SOBP: variants seen among roughly 807,000 people sequenced by gnomAD.
SOBP encodes the protein sine oculis-binding protein homolog.
Under a neutral mutation model 53.6 loss-of-function variants are expected in SOBP, and 4 were observed. That is an observed-to-expected ratio of 0.07 (90% confidence interval 0.04 to 0.17). SOBP has a LOEUF of 0.17. Ranked by LOEUF, SOBP falls within the 10% of genes least tolerant of loss-of-function variation. The pLI is 1.00. For missense variants in SOBP, 1,088 were observed against 1,204.7 expected (o/e 0.90, Z 1.43); for synonymous variants, 584 against 522.6 (o/e 1.12, Z -1.60).
At chr6:107,656,204 T>C (rs1772025149) in intron 6 of SOBP, among the ~76,000 whole-genome samples, 1 of 152,144 alleles carries the variant, frequency 6.6e-6, no homozygotes, top group African/African-American at 2.4e-5. Flanking sequence ...TCAATTTTTG[T>C]GGCCTCACAT....
rs1772250324 is a variant in SOBP at position 107,660,452 on chromosome 6, C to T, written c.*2249C>T. ...TAGGCTGTAGACCCAGGTGTGGTGT[C>T]CCTTCCAAGTGCTCTTCAAGTCCTG... On this transcript the variant is annotated 3_prime_UTR_variant, in exon 7 of 7. Transcript: ENST00000317357. 1.3e-5 allele frequency among the ~76,000 whole-genome samples: 2 copies of T among 152,152 alleles called. No homozygotes were observed. Among genetic ancestry groups the T allele is most frequent in the South Asian group, 4.1e-4 (2 of 4,824 alleles).
chr6:107,562,913 G>A (rs1011632962), intron 4 of SOBP, among the ~76,000 whole-genome samples: 4 of 152,200 alleles, frequency 2.6e-5, no homozygotes, highest in East Asian at 1.9e-4. Flanking sequence ...CTCAATAGTC[G>A]TTGAAGCTGT....
intron 5 of SOBP, among the ~76,000 whole-genome samples, chr6:107,625,561 C>T (rs1770423754): frequency 1.3e-5 from 2 of 152,182 alleles, no homozygotes; most frequent in African/African-American, 2.4e-5. Context: ...ATTAGTTCTG[C>T]TCAGCAGTGC....
chr6:107,507,179 G>T lies in SOBP; in HGVS notation c.421+752G>T, dbSNP rs370877243. On this transcript the variant is annotated intron_variant, in intron 3 of 6. Transcript: ENST00000317357. Reference sequence around the variant, plus strand: ...AGTTTTGTAAAAGGACATGAGGCAGGCTTGGTCTTCAACACGCTTTCCTCT... The same window carrying T: ...AGTTTTGTAAAAGGACATGAGGCAGTCTTGGTCTTCAACACGCTTTCCTCT... 7.4e-4 allele frequency among the ~76,000 whole-genome samples: 112 copies of T among 152,240 alleles called. 1 individual carries two copies. In the South Asian group the frequency reaches 0.022, roughly 30 times the overall value.
At chr6:107,607,975 TG>T (rs1786451051) in intron 5 of SOBP, among the ~76,000 whole-genome samples, 1 of 152,174 alleles carries the variant, frequency 6.6e-6, no homozygotes, top group South Asian at 2.1e-4. Flanking sequence ...GTGGAAAGGA[TG>T]GGCTACCCAC....
chr6:107,616,603 G>A (rs1304827741), intron 5 of SOBP, among the ~76,000 whole-genome samples: 1 of 152,116 alleles, frequency 6.6e-6, no homozygotes. Context: ...CTTTAAAATA[G>A]CCTTGTAATA....
chr6:107,519,649 T>C (rs1175850449), intron 3 of SOBP, among the ~76,000 whole-genome samples: 1 of 152,184 alleles, frequency 6.6e-6, no homozygotes, highest in Non-Finnish European at 1.5e-5. Context: ...AAGCATACTA[T>C]AGCAACAGGA....
At chr6:107,617,157 G>A (rs142347628) in intron 5 of SOBP, among the ~76,000 whole-genome samples, 9 of 152,316 alleles carry the variant, frequency 5.9e-5, no homozygotes, top group East Asian at 3.9e-4. Flanking sequence ...TGATGTGTGC[G>A]CTGGCTTTTG....
chr6:107,627,907 G>A (rs768512589), intron 5 of SOBP, among the ~76,000 whole-genome samples: 92 of 152,140 alleles, frequency 6.0e-4, no homozygotes, highest in Non-Finnish European at 1.1e-3. Flanking sequence ...CTTAGTGTTG[G>A]TGTGCCCTTC....
intron 6 of SOBP, among the ~76,000 whole-genome samples, chr6:107,651,650 T>C (rs1219391821): frequency 4.6e-5 from 7 of 152,234 alleles, no homozygotes; most frequent in African/African-American, 1.4e-4. Context: ...ATTTTCAATA[T>C]AGATAAAACA....
intron 6 of SOBP, among the ~76,000 whole-genome samples, chr6:107,655,036 CAG>C (rs1771973944): frequency 6.6e-6 from 1 of 151,830 alleles, no homozygotes; most frequent in Non-Finnish European, 1.5e-5. Context: ...CATAGCCAGT[CAG>C]AGGCATTTGT....
intron 3 of SOBP, among the ~76,000 whole-genome samples, chr6:107,507,183 G>C (rs1783021013): frequency 6.6e-6 from 1 of 152,110 alleles, no homozygotes; most frequent in South Asian, 2.1e-4. Flanking sequence ...AGGCAGGCTT[G>C]GTCTTCAACA....
At chr6:107,509,666 G>A (rs571952625) in intron 3 of SOBP, 5 of 152,264 alleles carry the variant, frequency 3.3e-5, no homozygotes, top group East Asian at 3.9e-4. Context: ...AGCCAGCCAC[G>A]TGGAATTCAA....
chr6:107,653,780 A>G (rs1158864523), intron 6 of SOBP, among the ~76,000 whole-genome samples: 1 of 152,244 alleles, frequency 6.6e-6, no homozygotes, highest in Non-Finnish European at 1.5e-5. Context: ...GTTGGGATGT[A>G]GAATAAGACA....
chr6:107,569,638 C>A (rs868115751), intron 4 of SOBP, among the ~76,000 whole-genome samples: 14 of 152,224 alleles, frequency 9.2e-5, no homozygotes, highest in African/African-American at 3.4e-4. Flanking sequence ...TCCCAATTTG[C>A]AAGCGTTTGC....
intron 5 of SOBP, among the ~76,000 whole-genome samples, chr6:107,598,400 G>A (rs78312409): frequency 0.023 from 3,483 of 152,296 alleles, 133 homozygotes; most frequent in African/African-American, 0.079. Context: ...CTTGGAGGGT[G>A]CGTAGCGATG....
intron 5 of SOBP, among the ~76,000 whole-genome samples, chr6:107,619,355 T>A (rs1020996011): frequency 6.6e-6 from 1 of 152,332 alleles, no homozygotes; most frequent in South Asian, 2.1e-4. Flanking sequence ...TTTGAAAAGC[T>A]GGGGAAACTC....
chr6:107,639,197 C>G (rs748645740), intron 6 of SOBP, among the ~76,000 whole-genome samples: 1 of 152,206 alleles, frequency 6.6e-6, no homozygotes, highest in African/African-American at 2.4e-5. Flanking sequence ...GCCGCCGCTC[C>G]CAGTCTGTAG....
intron 5 of SOBP, among the ~76,000 whole-genome samples, chr6:107,606,852 A>G (rs1786403599): frequency 6.6e-6 from 1 of 152,110 alleles, no homozygotes; most frequent in Non-Finnish European, 1.5e-5. Flanking sequence ...CCCAGCCTGC[A>G]CCCCATGACT....
Sources: gnomAD v4.1 joint callset for allele counts (sites outside exome capture counted in the v4.1 genomes callset) on GRCh38, gnomAD v4.1.1 for gene constraint, MANE v1.5 for transcripts, NCBI Gene and HGNC (gene_info 2026-07-23, HGNC 2026-07-21) for gene names.